The following AGBL2 variants were observed in gnomAD, a reference collection of about 807,000 sequenced individuals.
AGBL2 encodes the protein AGBL carboxypeptidase 2.
In AGBL2, 87 loss-of-function variants were observed where a neutral mutation model predicts 103.0. The ratio of observed to expected loss-of-function variants is 0.84; its 90% CI spans 0.71 to 1.01. The LOEUF (loss-of-function observed/expected upper bound fraction) is 1.01, where lower values mean the gene tolerates loss of function less well. Ranked by LOEUF, AGBL2 falls within the 50% of genes least tolerant of loss-of-function variation. The probability of loss-of-function intolerance (pLI) is 0.00; values close to 1 mark genes in which losing one functional copy is unlikely to be tolerated. For missense variants in AGBL2, 904 were observed against 1,023.5 expected (o/e 0.88, Z 1.59); for synonymous variants, 335 against 356.7 (o/e 0.94, Z 0.69).
At chr11:47,666,825 C>G (rs749355828) in intron 17 of AGBL2, 131 bp downstream of exon 17, 8 of 710,006 alleles carry the variant, frequency 1.1e-5, no homozygotes, top group Non-Finnish European at 7.6e-6. Flanking sequence ...TTAATGTTTT[C>G]TTGCTCCCAG....
chr11:47,691,729 A>AAAAAAAAAAAAAATATATATATAT, intron 9 of AGBL2, among the ~76,000 whole-genome samples: 3 of 4,858 alleles, frequency 6.2e-4, no homozygotes, highest in Non-Finnish European at 7.3e-4. Flanking sequence ...AAAAAAAAAA[A>AAAAAAAAAAAAAATATATATATAT]ATATATATAT....
intron 14 of AGBL2, among the ~76,000 whole-genome samples, chr11:47,676,702 C>T (rs1173600226): frequency 2.0e-5 from 3 of 151,904 alleles, no homozygotes; most frequent in South Asian, 4.1e-4. Context: ...GCCTGTAGTC[C>T]CAGCTACTCG....
chr11:47,692,925 C>G (rs962458352), intron 8 of AGBL2, among the ~76,000 whole-genome samples: 3 of 151,890 alleles, frequency 2.0e-5, no homozygotes, highest in Admixed American at 2.0e-4. Flanking sequence ...CTCAAGTGAT[C>G]CTCCCACCTC....
chr11:47,697,207 G>A (rs2097477888), intron 8 of AGBL2, among the ~76,000 whole-genome samples: 1 of 151,472 alleles, frequency 6.6e-6, no homozygotes, highest in Admixed American at 6.6e-5. Context: ...AGGATTACAG[G>A]TATGAGGCAC....
intron 12 of AGBL2, among the ~76,000 whole-genome samples, chr11:47,681,733 C>G (rs752155205): frequency 6.6e-6 from 1 of 152,208 alleles, no homozygotes; most frequent in Non-Finnish European, 1.5e-5. Context: ...GCTGGGATTA[C>G]AGGCGTGAGC....
chr11:47,680,003 A>C lies in AGBL2; in HGVS notation c.1986T>G (p.Leu662=). 1 of 1,612,610 alleles carries C rather than the reference A, an allele frequency of 6.2e-7. No homozygotes were observed. Among genetic ancestry groups the C allele is most frequent in the Admixed American group, 1.7e-5 (1 of 59,930 alleles). ...KSLGYHVCDT[L]LDFCDPDQMK... ...TTTGGTCAGGATCACAAAAGTCCAG[A>C]AGGGTGTCACAGACATGATAACCTA... Residue 662 remains leucine (L), a synonymous_variant, in exon 13 of 19, where the codon CTT becomes CTG. Transcript: ENST00000525123.
intron 10 of AGBL2, among the ~76,000 whole-genome samples, chr11:47,686,447 GT>G (rs563969184): frequency 0.22 from 22,977 of 104,818 alleles, 1,543 homozygotes; most frequent in Non-Finnish European, 0.28. Flanking sequence ...TTTGTTTCTG[GT>G]TTTTTTTTTT....
At chr11:47,665,060 C>CT (rs1208227651) in intron 17 of AGBL2, among the ~76,000 whole-genome samples, 99 of 143,942 alleles carry the variant, frequency 6.9e-4, no homozygotes, top group Non-Finnish European at 7.1e-4. Context: ...TTTTTTTCTT[C>CT]TTTTTTTTTT....
At chr11:47,714,912 G>A in intron 1 of AGBL2, 162 bp from the exon 2 acceptor site, 4 of 508,938 alleles carry the variant, frequency 7.9e-6, no homozygotes, top group South Asian at 4.3e-5. Context: ...GGAGGGCAGC[G>A]TATCTTCCCG....
At chr11:47,695,475 C>CAAAAAA (rs56047450) in intron 8 of AGBL2, among the ~76,000 whole-genome samples, 1 of 76,176 alleles carries the variant, frequency 1.3e-5, no homozygotes, top group Non-Finnish European at 2.4e-5. Flanking sequence ...AACTCTGTCT[C>CAAAAAA]AAAAAAAAAA....
At chr11:47,697,689 G>A (rs2097481294) in intron 8 of AGBL2, among the ~76,000 whole-genome samples, 1 of 151,430 alleles carries the variant, frequency 6.6e-6, no homozygotes, top group South Asian at 2.1e-4. Context: ...GGGACTACAG[G>A]CGTGTGCCAC....
intron 11 of AGBL2, among the ~76,000 whole-genome samples, chr11:47,684,083 C>T (rs988532739): frequency 6.6e-6 from 1 of 151,512 alleles, no homozygotes; most frequent in African/African-American, 2.4e-5. Flanking sequence ...ACTAAAAATA[C>T]CCCATCTCTA....
intron 14 of AGBL2, among the ~76,000 whole-genome samples, chr11:47,671,433 T>C (rs1198974503): frequency 1.3e-5 from 2 of 152,054 alleles, no homozygotes; most frequent in Non-Finnish European, 2.9e-5. Flanking sequence ...GGCATGAGAA[T>C]TGCTTGAACC....
chr11:47,714,664 G>C lies in AGBL2; in HGVS notation c.-14C>G. 6.2e-7 allele frequency: 1 copy of C among 1,613,748 alleles called. No individual in the cohort carries two copies. Among genetic ancestry groups the C allele is most frequent in the East Asian group, 2.2e-5 (1 of 44,874 alleles). Reference sequence around the variant, plus strand: ...AGCTGGGAACATGTTACTTCTGGATGGTAGGCTGAAAACTAGTCAGTGACA... The same window carrying C: ...AGCTGGGAACATGTTACTTCTGGATCGTAGGCTGAAAACTAGTCAGTGACA... On this transcript the variant is annotated 5_prime_UTR_variant, in exon 2 of 19. Coordinates refer to ENST00000525123, the MANE Select transcript of AGBL2 (RefSeq NM_024783.4).
chr11:47,710,320 CA>C (rs976124534), intron 4 of AGBL2, 56 bp downstream of exon 4: 2 of 1,609,980 alleles, frequency 1.2e-6, no homozygotes, highest in Non-Finnish European at 1.7e-6. Context: ...TCTGAATACT[CA>C]GAGGAGTTAC....
At chr11:47,707,571 A>T (rs1342578779) in intron 4 of AGBL2, among the ~76,000 whole-genome samples, 3 of 152,060 alleles carry the variant, frequency 2.0e-5, no homozygotes, top group Non-Finnish European at 4.4e-5. Flanking sequence ...TGATTCAATT[A>T]CCTCCCACCA....
intron 12 of AGBL2, among the ~76,000 whole-genome samples, chr11:47,681,531 G>C (rs2097401139): frequency 6.6e-6 from 1 of 152,106 alleles, no homozygotes; most frequent in South Asian, 2.1e-4. Context: ...GCAATGGCAC[G>C]ATCTTGGCTC....
In AGBL2 at chr11:47,704,640, G is replaced by C; in HGVS notation, c.489C>G (p.Pro163=). ...LDEVNPRLRE[P]QELFSILSTK... Reference sequence around the variant, plus strand: ...TAGACAAAATGGAAAAGAGCTCTTGGGGTTCTCGAAGACGTGGGTTTACTT... The same window carrying C: ...TAGACAAAATGGAAAAGAGCTCTTGCGGTTCTCGAAGACGTGGGTTTACTT... Residue 163 remains proline (P), a synonymous_variant, in exon 7 of 19, where the codon CCC becomes CCG. Coordinates refer to ENST00000525123, the MANE Select transcript of AGBL2 (RefSeq NM_024783.4). 2 of 1,614,062 alleles carry C rather than the reference G, an allele frequency of 1.2e-6. No homozygotes were observed. The highest frequency in any genetic ancestry group is 1.7e-6 in the Non-Finnish European group (2 of 1,180,006).
Position 47,668,828 on chromosome 11 carries a change from G to A in AGBL2, c.2214+13C>T. The A allele has an allele frequency of 6.2e-7, 1 of 1,607,760 alleles. No homozygotes were observed. Among genetic ancestry groups the A allele is most frequent in the Non-Finnish European group, 8.5e-7 (1 of 1,174,648 alleles). ...TAAGGCTGCTATTTCCTGGGTATAA[G>A]AGTTCAGCTTACCTCATCTGCTATG... On this transcript the variant is annotated intron_variant, in intron 15 of 18. Transcript: ENST00000525123.
Sources: gnomAD v4.1 joint callset for allele counts (sites outside exome capture counted in the v4.1 genomes callset) on GRCh38, gnomAD v4.1.1 for gene constraint, MANE v1.5 for transcripts, NCBI Gene and HGNC (gene_info 2026-07-23, HGNC 2026-07-21) for gene names.